Variants in EFHD1 observed in about 807,000 individuals in gnomAD.
EFHD1 encodes the protein EF-hand domain-containing protein D1.
Under a neutral mutation model 17.2 loss-of-function variants are expected in EFHD1, and 10 were observed. That is an observed-to-expected ratio of 0.58 (90% CI 0.36 to 0.99). EFHD1 has a LOEUF of 0.99. EFHD1 is among the 50% of genes least tolerant of loss of function. The pLI, the probability that EFHD1 is intolerant of heterozygous loss-of-function variation, is 0.01. For missense variants in EFHD1, 310 were observed against 327.5 expected (o/e 0.95, Z 0.41); for synonymous variants, 153 against 142.0 (o/e 1.08, Z -0.55).
At chr2:232,669,917 G>A (rs1695038548) in intron 2 of EFHD1, among the ~76,000 whole-genome samples, 1 of 152,228 alleles carries the variant, frequency 6.6e-6, no homozygotes, top group East Asian at 1.9e-4. Context: ...TTCTTTTAGG[G>A]AAGAGGGTTA....
chr2:232,675,201 AG>A (rs1477216866), intron 3 of EFHD1, among the ~76,000 whole-genome samples: 2 of 143,410 alleles, frequency 1.4e-5, no homozygotes. Context: ...GAGAGAGAAA[AG>A]AAAGGAAGGA....
intron 1 of EFHD1, among the ~76,000 whole-genome samples, chr2:232,653,372 C>T (rs896114811): frequency 1.3e-5 from 2 of 152,174 alleles, no homozygotes; most frequent in African/African-American, 2.4e-5. Context: ...CTCACCACAA[C>T]CTCCACCTCC....
At chr2:232,638,993 T>G (rs1388920116) in intron 1 of EFHD1, among the ~76,000 whole-genome samples, 1 of 152,206 alleles carries the variant, frequency 6.6e-6, no homozygotes, top group Non-Finnish European at 1.5e-5. Flanking sequence ...GCCTTGGAAC[T>G]GTGTCTTAGA....
At chr2:232,635,969 G>A (rs545199679) in intron 1 of EFHD1, among the ~76,000 whole-genome samples, 6 of 152,256 alleles carry the variant, frequency 3.9e-5, no homozygotes, top group African/African-American at 1.4e-4. Context: ...AGAATAATTT[G>A]GCTGAGGAAA....
chr2:232,681,110 C>G (rs780278813), intron 3 of EFHD1, among the ~76,000 whole-genome samples: 2 of 151,954 alleles, frequency 1.3e-5, no homozygotes, highest in African/African-American at 4.8e-5. Flanking sequence ...GAGCCAAGAT[C>G]ACACCACTGC....
intron 2 of EFHD1, among the ~76,000 whole-genome samples, chr2:232,664,606 G>GTTTTTTTTTTTT (rs57219644): frequency 1.6e-5 from 1 of 62,676 alleles, no homozygotes; most frequent in Non-Finnish European, 2.8e-5. Context: ...CCCCAAAATA[G>GTTTTTTTTTTTT]TTTTTTTTTT....
chr2:232,678,551 G>A (rs1026543910), intron 3 of EFHD1, among the ~76,000 whole-genome samples: 9 of 152,282 alleles, frequency 5.9e-5, no homozygotes, highest in African/African-American at 1.9e-4. Flanking sequence ...TTGGGAGGCC[G>A]AGGCGGTTGG....
intron 1 of EFHD1, among the ~76,000 whole-genome samples, chr2:232,623,034 T>G (rs181106698): frequency 1.6e-3 from 247 of 151,334 alleles, no homozygotes; most frequent in African/African-American, 5.6e-3. Flanking sequence ...AAAACTTTTC[T>G]TCTTTTCTTT....
intron 1 of EFHD1, among the ~76,000 whole-genome samples, chr2:232,613,656 A>G (rs1201367473): frequency 7.4e-6 from 1 of 135,124 alleles, no homozygotes; most frequent in Non-Finnish European, 1.6e-5. Flanking sequence ...ACACACACAC[A>G]CAAATACACA....
intron 1 of EFHD1, among the ~76,000 whole-genome samples, chr2:232,661,152 AAAAAAC>A (rs142174152): frequency 0.36 from 54,356 of 150,582 alleles, 10,826 homozygotes; most frequent in Middle Eastern, 0.48. Flanking sequence ...TGTCTCAAAA[AAAAAAC>A]AAAAACAAAA....
chr2:232,665,936 A>G (rs1246323796), intron 2 of EFHD1, among the ~76,000 whole-genome samples: 3 of 152,006 alleles, frequency 2.0e-5, no homozygotes, highest in African/African-American at 7.3e-5. Context: ...ATCCTCCCAC[A>G]TCAGCCTCCC....
In EFHD1 at chr2:232,681,891, C is replaced by A; in HGVS notation, c.*172C>A. On this transcript the variant is annotated 3_prime_UTR_variant, in exon 4 of 4. Coordinates refer to ENST00000264059, the MANE Select transcript of EFHD1 (RefSeq NM_025202.4). The stretch of plus-strand genomic sequence containing the variant: ...ATTCCTCCCAGTGTCCAAGCCCCTC[C>A]AGGAGGGTCCTGGGGTGGGCCAGAT... The A allele has an allele frequency of 9.1e-7, 1 of 1,095,276 alleles. No individual in the cohort carries two copies. The highest frequency in any genetic ancestry group is 1.3e-6 in the Non-Finnish European group (1 of 793,954). 67.8% of individuals were successfully genotyped at this position (1,095,276 alleles called of 1,614,324 possible).
chr2:232,607,149 G>A (rs941667828), intron 1 of EFHD1, among the ~76,000 whole-genome samples: 5 of 151,970 alleles, frequency 3.3e-5, no homozygotes, highest in African/African-American at 1.2e-4. Context: ...AGGCCACCAC[G>A]TCTGGCCCAT....
chr2:232,679,098 A>AT (rs1276935410), intron 3 of EFHD1, among the ~76,000 whole-genome samples: 1 of 152,222 alleles, frequency 6.6e-6, no homozygotes, highest in Non-Finnish European at 1.5e-5. Context: ...AAATGAGCTT[A>AT]TTTTTGTGGC....
upstream of EFHD1, among the ~76,000 whole-genome samples, chr2:232,632,988 C>T (rs1239536611): frequency 6.6e-6 from 1 of 152,246 alleles, no homozygotes; most frequent in African/African-American, 2.4e-5. Flanking sequence ...GCTTTCCTGC[C>T]TCTAGGGAAA....
chr2:232,640,670 T>A (rs1256047623), intron 1 of EFHD1, among the ~76,000 whole-genome samples: 1 of 152,056 alleles, frequency 6.6e-6, no homozygotes, highest in Non-Finnish European at 1.5e-5. Flanking sequence ...ATGGGAGGGA[T>A]GTCACTCCCC....
intron 1 of EFHD1, among the ~76,000 whole-genome samples, chr2:232,616,753 A>C (rs1427964690): frequency 6.6e-6 from 1 of 152,240 alleles, no homozygotes; most frequent in African/African-American, 2.4e-5. Flanking sequence ...CTGGAGATCT[A>C]TTGCACAGTA....
At chr2:232,615,947 A>G in intron 1 of EFHD1, among the ~76,000 whole-genome samples, 1 of 152,202 alleles carries the variant, frequency 6.6e-6, no homozygotes, top group Non-Finnish European at 1.5e-5. Flanking sequence ...TTGGCCTCCC[A>G]AAGTGCTGGG....
intron 2 of EFHD1, among the ~76,000 whole-genome samples, chr2:232,665,714 A>G (rs1694957010): frequency 6.6e-6 from 1 of 152,204 alleles, no homozygotes; most frequent in Non-Finnish European, 1.5e-5. Flanking sequence ...GAGCCACTGC[A>G]CCTGGCCTAT....
Sources: allele counts gnomAD v4.1 joint callset (sites outside exome capture counted in the v4.1 genomes callset), GRCh38; gene constraint gnomAD v4.1.1; transcripts MANE v1.5; gene names NCBI Gene and HGNC (gene_info 2026-07-23, HGNC 2026-07-21).